CREB5: variants seen among roughly 807,000 people sequenced by gnomAD.
CREB5 encodes cAMP responsive element binding protein 5.
A neutral mutation model predicts 57.1 loss-of-function variants in CREB5; 19 were observed. The observed-to-expected ratio is 0.33, with a 90% confidence interval of 0.23 to 0.49. The LOEUF is 0.49. Among genes scored for constraint, CREB5 ranks in the 20% least tolerant of loss-of-function variants. The pLI is 0.99. For synonymous variants in CREB5, 238 were observed against 238.3 expected, an observed-to-expected ratio of 1.00 and a Z score of 0.01; for missense variants, 579 against 671.6, an observed-to-expected ratio of 0.86 and a Z score of 1.52.
At chr7:28,437,068 G>C (rs529349896) in intron 1 of CREB5, among the ~76,000 whole-genome samples, 2 of 152,234 alleles carry the variant, frequency 1.3e-5, no homozygotes, top group African/African-American at 4.8e-5. Flanking sequence ...GCATCCCTTA[G>C]AGAACTCAGC....
intron 3 of CREB5, 23 bp from the exon 4 acceptor site, chr7:28,507,593 G>A (rs370655980): frequency 1.3e-6 from 2 of 1,591,866 alleles, no homozygotes; most frequent in South Asian, 1.1e-5. Context: ...ACCCATTTAT[G>A]AGCTCTCCGA....
intron 4 of CREB5, among the ~76,000 whole-genome samples, chr7:28,560,891 T>TGTGTGCGTGTGTGTGCGC (rs1463485331): frequency 1.0e-4 from 2 of 19,724 alleles, no homozygotes; most frequent in East Asian, 3.3e-3. Flanking sequence ...TGCGTGCGTG[T>TGTGTGCGTGTGTGTGCGC]GTGTGCGTGC....
upstream of CREB5, among the ~76,000 whole-genome samples, chr7:28,411,173 G>T (rs573653400): frequency 2.0e-5 from 3 of 152,330 alleles, no homozygotes; most frequent in African/African-American, 7.2e-5. Flanking sequence ...GGAAATGTTT[G>T]CAAGCGTTAT....
intron 5 of CREB5, among the ~76,000 whole-genome samples, chr7:28,616,091 A>G (rs893755406): frequency 6.6e-6 from 1 of 152,168 alleles, no homozygotes; most frequent in Non-Finnish European, 1.5e-5. Context: ...CCATAGTGTC[A>G]GTTTAATAAG....
chr7:28,363,136 A>G (rs182380702), intron 1 of CREB5, among the ~76,000 whole-genome samples: 2 of 152,288 alleles, frequency 1.3e-5, no homozygotes, highest in South Asian at 2.1e-4. Flanking sequence ...AGAGCAGCCA[A>G]ATATTTCAGG....
intron 1 of CREB5, among the ~76,000 whole-genome samples, chr7:28,449,617 C>G (rs1434704921): frequency 2.6e-5 from 4 of 152,180 alleles, no homozygotes; most frequent in Non-Finnish European, 5.9e-5. Context: ...TTTTGGTTAA[C>G]TCTAACAGTG....
intron 1 of CREB5, among the ~76,000 whole-genome samples, chr7:28,361,250 T>G (rs1293377605): frequency 6.6e-6 from 1 of 152,200 alleles, no homozygotes; most frequent in Non-Finnish European, 1.5e-5. Flanking sequence ...TATTTCATGC[T>G]CAGTGTTCCC....
At chr7:28,497,305 G>T (rs553966647) in intron 3 of CREB5, among the ~76,000 whole-genome samples, 104 of 152,342 alleles carry the variant, frequency 6.8e-4, no homozygotes, top group African/African-American at 2.4e-3. Context: ...CCTAAAGCAG[G>T]TTTTTTGGGT....
chr7:28,372,104 G>A (rs1786718336), intron 1 of CREB5, among the ~76,000 whole-genome samples: 1 of 152,150 alleles, frequency 6.6e-6, no homozygotes, highest in Non-Finnish European at 1.5e-5. Flanking sequence ...CTAGCTCTGT[G>A]CCAGGCGCTG....
chr7:28,327,841 G>A (rs536271785), intron 1 of CREB5, among the ~76,000 whole-genome samples: 1 of 152,276 alleles, frequency 6.6e-6, no homozygotes, highest in Admixed American at 6.5e-5. Flanking sequence ...CTGATGTGTG[G>A]CAGATAAGAT....
intron 1 of CREB5, among the ~76,000 whole-genome samples, chr7:28,476,377 T>C (rs1052937695): frequency 9.2e-5 from 14 of 152,210 alleles, no homozygotes; most frequent in African/African-American, 3.4e-4. Flanking sequence ...TGCAACTCCA[T>C]GTCTGCGAGT....
At chr7:28,640,859 G>C (rs1281493641) in intron 5 of CREB5, among the ~76,000 whole-genome samples, 1 of 152,156 alleles carries the variant, frequency 6.6e-6, no homozygotes, top group Non-Finnish European at 1.5e-5. Flanking sequence ...ATCGGTCATT[G>C]CAGCAGCATG....
intron 1 of CREB5, among the ~76,000 whole-genome samples, chr7:28,424,546 GATAC>G (rs1788416833): frequency 6.6e-6 from 1 of 152,206 alleles, no homozygotes; most frequent in South Asian, 2.1e-4. Context: ...CTTAAAAATA[GATAC>G]ATACATGTTG....
intron 5 of CREB5, among the ~76,000 whole-genome samples, chr7:28,612,080 A>G (rs1797414556): frequency 6.6e-6 from 1 of 152,202 alleles, no homozygotes; most frequent in African/African-American, 2.4e-5. Flanking sequence ...TGTTCTAGAA[A>G]AAGCAGAGAT....
At chr7:28,615,104 A>G (rs1434166337) in intron 5 of CREB5, 1 of 152,228 alleles carries the variant, frequency 6.6e-6, no homozygotes, top group East Asian at 1.9e-4. Flanking sequence ...TATGGTGGCC[A>G]CAGTGGGAAG....
At chr7:28,724,844 G>T (rs1803244470) in intron 7 of CREB5, among the ~76,000 whole-genome samples, 1 of 152,150 alleles carries the variant, frequency 6.6e-6, no homozygotes, top group East Asian at 1.9e-4. Context: ...CTTACTGAAA[G>T]GCATGATTTC....
chr7:28,539,059 A>G (rs142955208), intron 4 of CREB5, among the ~76,000 whole-genome samples: 48 of 152,348 alleles, frequency 3.2e-4, no homozygotes, highest in African/African-American at 1.2e-3. Context: ...ACATCTTTCT[A>G]TACATCTACT....
rs896202555 is a variant in CREB5 at position 28,804,181 on chromosome 7, C to T, written c.703-18C>T. ...CTGACTTCAGTTGTTCTCTCTCCTC[C>T]CTTTTGTTCTGTTTCAGAGGTTGAA... On this transcript the variant is annotated intron_variant, in intron 7 of 10. Transcript: ENST00000357727. 9 of 1,603,906 alleles carry T rather than the reference C, an allele frequency of 5.6e-6. No individual in the cohort carries two copies. Among genetic ancestry groups the T allele is most frequent in the African/African-American group, 1.3e-5 (1 of 74,848 alleles).
upstream of CREB5, chr7:28,410,075 C>T (rs1187473344): frequency 3.0e-5 from 12 of 400,924 alleles, no homozygotes; most frequent in Admixed American, 5.3e-5. Flanking sequence ...CGGGTGGGCG[C>T]GCGCGCAGGG....
Sources: allele counts gnomAD v4.1 joint callset (sites outside exome capture counted in the v4.1 genomes callset), GRCh38; gene constraint gnomAD v4.1.1; transcripts MANE v1.5; gene names NCBI Gene and HGNC (gene_info 2026-07-23, HGNC 2026-07-21).